The following CA10 variants were observed in gnomAD, a reference collection of about 807,000 sequenced individuals.
The protein encoded by CA10 is carbonic anhydrase 10 (inactive), also known as carbonic anhydrase-related protein 10.
CA10 carries 14 observed loss-of-function variants against 44.2 expected under a neutral mutation model. The observed-to-expected ratio is 0.32, with a 90% CI of 0.21 to 0.50. CA10 has a LOEUF of 0.50. CA10 is among the 20% of genes least tolerant of loss of function. The pLI is 0.99. For synonymous variants in CA10, 159 were observed against 141.6 expected, an observed-to-expected ratio of 1.12 and a Z score of -0.87; for missense variants, 350 against 409.7, an observed-to-expected ratio of 0.85 and a Z score of 1.26.
At chr17:52,015,185 A>G (rs1471759428) in intron 2 of CA10, among the ~76,000 whole-genome samples, 1 of 152,082 alleles carries the variant, frequency 6.6e-6, no homozygotes, top group East Asian at 1.9e-4. Flanking sequence ...GAAGAAGTAT[A>G]TAGACGTATA....
rs575705825 is a variant in CA10, at chr17:52,067,804, T to G, written c.136+4515A>C. 1.2e-4 allele frequency among the ~76,000 whole-genome samples: 19 copies of G among 152,354 alleles called. No individual in the cohort carries two copies. The South Asian group carries it at 3.3e-3, about 27-fold the overall frequency. ...TTCACTGCCTTGCTGGATTTTGGAC[T>G]TGCATGGGGCTTGTAGCCCATTTGT... is the stretch of plus-strand genomic sequence containing the variant. On this transcript the variant is annotated intron_variant, in intron 2 of 8. Transcript: ENST00000451037.
intron 2 of CA10, among the ~76,000 whole-genome samples, chr17:51,984,295 AT>A (rs1984752914): frequency 6.6e-6 from 1 of 151,866 alleles, no homozygotes; most frequent in African/African-American, 2.4e-5. Flanking sequence ...AAATGAAAAC[AT>A]TCTTTGAACT....
At chr17:52,064,743 T>C (rs764013715) in intron 2 of CA10, among the ~76,000 whole-genome samples, 4 of 152,150 alleles carry the variant, frequency 2.6e-5, no homozygotes. Context: ...AAACCATTTG[T>C]ACCCAATTTT....
intron 4 of CA10, among the ~76,000 whole-genome samples, chr17:51,681,380 G>A (rs529980819): frequency 1.3e-5 from 2 of 152,308 alleles, no homozygotes; most frequent in East Asian, 3.9e-4. Context: ...CAGAATAGCA[G>A]GTGGGAAAAT....
intron 3 of CA10, among the ~76,000 whole-genome samples, chr17:51,874,075 T>G (rs1242767145): frequency 6.6e-6 from 1 of 152,242 alleles, no homozygotes; most frequent in East Asian, 1.9e-4. Context: ...CTATGGCTTT[T>G]AATCAGCATG....
At chr17:52,054,286 G>A (rs1415597720) in intron 2 of CA10, among the ~76,000 whole-genome samples, 2 of 152,104 alleles carry the variant, frequency 1.3e-5, no homozygotes, top group Admixed American at 1.3e-4. Context: ...TCGTACATAA[G>A]GGATGAAATA....
chr17:51,705,216 C>A (rs911151332), intron 4 of CA10, among the ~76,000 whole-genome samples: 12 of 152,202 alleles, frequency 7.9e-5, no homozygotes, highest in Non-Finnish European at 1.6e-4. Flanking sequence ...CTTTCCCCAT[C>A]TTCTATCCTG....
At chr17:51,876,922 A>G (rs1245275310) in intron 3 of CA10, among the ~76,000 whole-genome samples, 1 of 152,186 alleles carries the variant, frequency 6.6e-6, no homozygotes, top group Non-Finnish European at 1.5e-5. Context: ...CCATTCTGTA[A>G]TTAGGGAGTC....
intron 2 of CA10, among the ~76,000 whole-genome samples, chr17:51,932,556 C>T (rs1007149281): frequency 1.5e-4 from 23 of 152,094 alleles, no homozygotes; most frequent in African/African-American, 4.1e-4. Flanking sequence ...TAAAATATGA[C>T]AAATATCTAA....
intron 2 of CA10, among the ~76,000 whole-genome samples, chr17:51,942,947 T>C (rs1480495115): frequency 6.6e-6 from 1 of 152,146 alleles, no homozygotes; most frequent in Admixed American, 6.6e-5. Flanking sequence ...GATGCATGGA[T>C]GGATGCATGA....
At position 52,099,252 on chromosome 17, in the gene CA10, T is replaced by G. The variant is rs541699477; in HGVS notation, c.62-26859A>C. Among the ~76,000 whole-genome samples the G allele has an allele frequency of 2.5e-4, 38 of 152,286 alleles. No homozygotes were observed. The South Asian group carries it at 3.5e-3, about 14-fold the overall frequency. ...TCACAGACTGGGAAGGTCAGTAAAC[T>G]GCCTGGAGCATAATGAATGGGGGTT... is the stretch of plus-strand genomic sequence containing the variant. On this transcript the variant is annotated intron_variant, in intron 1 of 8. Coordinates refer to ENST00000451037, the MANE Select transcript of CA10 (RefSeq NM_020178.5).
At chr17:52,129,904 C>G (rs942118845) in intron 1 of CA10, among the ~76,000 whole-genome samples, 4 of 152,064 alleles carry the variant, frequency 2.6e-5, no homozygotes, top group Admixed American at 2.6e-4. Flanking sequence ...TATATGCAAA[C>G]CAGATATTTG....
chr17:51,963,555 C>T (rs1983970721), intron 2 of CA10, among the ~76,000 whole-genome samples: 1 of 152,168 alleles, frequency 6.6e-6, no homozygotes, highest in Admixed American at 6.5e-5. Context: ...CCACCTAAGG[C>T]TAACAGTGGA....
intron 4 of CA10, among the ~76,000 whole-genome samples, chr17:51,725,958 T>C (rs1033883700): frequency 8.3e-6 from 1 of 120,336 alleles, no homozygotes; most frequent in Non-Finnish European, 1.7e-5. Context: ...TTACACATTC[T>C]GCCAGAGCCC....
chr17:52,134,895 C>T (rs763577148), intron 1 of CA10: 1 of 519,022 alleles, frequency 1.9e-6, no homozygotes, highest in African/African-American at 1.9e-5. Context: ...CCCTCACCCC[C>T]ACCATACACA....
chr17:52,115,182 G>C (rs1385230038), intron 1 of CA10, among the ~76,000 whole-genome samples: 1 of 152,224 alleles, frequency 6.6e-6, no homozygotes, highest in Non-Finnish European at 1.5e-5. Flanking sequence ...CAATCTGCGA[G>C]GTGGGAGCCT....
chr17:51,722,513 A>AT (rs1047927087), intron 4 of CA10, among the ~76,000 whole-genome samples: 26 of 152,184 alleles, frequency 1.7e-4, no homozygotes, highest in African/African-American at 6.3e-4. Context: ...AGAGGGATAT[A>AT]TTTTTGCAGT....
intron 2 of CA10, among the ~76,000 whole-genome samples, chr17:52,048,043 T>TA (rs201519217): frequency 0.39 from 51,860 of 133,268 alleles, 10,638 homozygotes; most frequent in East Asian, 0.71. Context: ...CCCACAAAAA[T>TA]TAAAAAAAAA....
chr17:51,969,307 A>C (rs1457725979), intron 2 of CA10, among the ~76,000 whole-genome samples: 1 of 151,986 alleles, frequency 6.6e-6, no homozygotes, highest in Non-Finnish European at 1.5e-5. Flanking sequence ...CAGGTAAAAT[A>C]ATGGTTCCTA....
Sources: allele counts gnomAD v4.1 joint callset (sites outside exome capture counted in the v4.1 genomes callset), GRCh38; gene constraint gnomAD v4.1.1; transcripts MANE v1.5; gene names NCBI Gene and HGNC (gene_info 2026-07-23, HGNC 2026-07-21).